MRAP: variants seen among roughly 807,000 people sequenced by gnomAD.
MRAP encodes melanocortin 2 receptor accessory protein.
A neutral mutation model predicts 8.7 loss-of-function variants in MRAP; 8 were observed. The observed-to-expected ratio is 0.92, with a 90% CI of 0.54 to 1.66. The LOEUF (loss-of-function observed/expected upper bound fraction) is 1.66. MRAP is among the 40% of genes most tolerant of loss of function. The pLI, the probability that MRAP is intolerant of heterozygous loss-of-function variation, is 0.00. For missense variants in MRAP, 237 were observed against 217.1 expected, an observed-to-expected ratio of 1.09 and a Z score of -0.58; for synonymous variants, 95 against 95.5, an observed-to-expected ratio of 1.00 and a Z score of 0.03.
Position 32,305,932 on chromosome 21 carries a change from G to T in MRAP, c.107-708G>T, listed in dbSNP as rs188543827. ...AGGTTCTACCCAGGGCCCCAGGGGG[G>T]CTAAGTGTGTTTCCTGGTTTCCCTT... On this transcript the variant is annotated intron_variant, in intron 1 of 2. Transcript: ENST00000303645. Among the ~76,000 whole-genome samples the T allele has an allele frequency of 6.5e-4, 99 of 152,310 alleles. 2 individuals are homozygous for T. In the Middle Eastern group the frequency reaches 0.017, roughly 26 times the overall value.
At chr21:32,298,787 A>G, upstream of MRAP, 1 of 583,974 alleles carries the variant, frequency 1.7e-6, no homozygotes, top group Non-Finnish European at 3.1e-6. Flanking sequence ...GTTGTGAGAC[A>G]CACCCCCCTG....
At chr21:32,307,267 G>C (rs941555776) in intron 2 of MRAP, among the ~76,000 whole-genome samples, 1 of 152,042 alleles carries the variant, frequency 6.6e-6, no homozygotes, top group Admixed American at 6.6e-5. Context: ...GTTTCTTTTG[G>C]GGATGATAAA....
chr21:32,296,584 T>C (rs1156565681), upstream of MRAP, among the ~76,000 whole-genome samples: 1 of 152,198 alleles, frequency 6.6e-6, no homozygotes, highest in Non-Finnish European at 1.5e-5. Context: ...GGGCACAGCC[T>C]ACCACACACC....
At chr21:32,302,915 A>G (rs973723650) in intron 1 of MRAP, among the ~76,000 whole-genome samples, 1 of 151,892 alleles carries the variant, frequency 6.6e-6, no homozygotes, top group Non-Finnish European at 1.5e-5. Context: ...CAAAGGTTCT[A>G]TCACGACGGA....
At chr21:32,306,924 G>A (rs1056742566) in intron 2 of MRAP, 185 bp downstream of exon 2, 5 of 662,376 alleles carry the variant, frequency 7.5e-6, no homozygotes, top group Admixed American at 4.2e-5. Flanking sequence ...ATATTCCAGC[G>A]AGCATTTCCT....
upstream of MRAP, among the ~76,000 whole-genome samples, chr21:32,296,757 A>T (rs2032146643): frequency 6.6e-6 from 1 of 152,188 alleles, no homozygotes. Context: ...GTACAGTAAA[A>T]ATACACTATA....
At chr21:32,309,542 C>T (rs1280817425) in intron 2 of MRAP, among the ~76,000 whole-genome samples, 1 of 151,448 alleles carries the variant, frequency 6.6e-6, no homozygotes, top group Admixed American at 6.6e-5. Flanking sequence ...ACCTCCACCT[C>T]CCAAGTTCAA....
At chr21:32,306,008 G>A (rs1330869398) in intron 1 of MRAP, among the ~76,000 whole-genome samples, 1 of 152,162 alleles carries the variant, frequency 6.6e-6, no homozygotes, top group Non-Finnish European at 1.5e-5. Context: ...GGTAGCAAAA[G>A]TGCTTTTTCC....
At chr21:32,292,955 TCCCCTAAGC>T (rs2032076462) in intron 1 of MRAP, 1 of 152,118 alleles carries the variant, frequency 6.6e-6, no homozygotes, top group South Asian at 2.1e-4. Context: ...TACATTCTAG[TCCCCTAAGC>T]CTGTGCATTT....
chr21:32,299,242 A>G (rs1601096188), intron 1 of MRAP, among the ~76,000 whole-genome samples, 165 bp downstream of exon 1: 1 of 152,246 alleles, frequency 6.6e-6, no homozygotes, highest in African/African-American at 2.4e-5. Flanking sequence ...TGGGGCTGGG[A>G]GAGAAACTGT....
At chr21:32,298,084 ACCTGTGGT>A (rs149377426), upstream of MRAP, among the ~76,000 whole-genome samples, 583 of 152,206 alleles carry the variant, frequency 3.8e-3, 3 homozygotes, top group African/African-American at 0.014. Flanking sequence ...GGTTCCTCTC[ACCTGTGGT>A]CCTGCTCATT....
rs184279945 is a variant in MRAP at position 32,306,042 on chromosome 21, A to C, written c.107-598A>C. Among the ~76,000 whole-genome samples the C allele has an allele frequency of 1.2e-4, 18 of 152,228 alleles. No homozygotes were observed. In the East Asian group the frequency reaches 3.5e-3, roughly 29 times the overall value. On this transcript the variant is annotated intron_variant, in intron 1 of 2. Coordinates refer to ENST00000303645, the MANE Select transcript of MRAP (RefSeq NM_001379228.1). Reference sequence around the variant, plus strand: ...CCTTCCTGCCACAGCCCCTGAGATGAGACTTCCTGCCTGAGAGAGGGACTC... The same window carrying C: ...CCTTCCTGCCACAGCCCCTGAGATGCGACTTCCTGCCTGAGAGAGGGACTC...
upstream of MRAP, among the ~76,000 whole-genome samples, chr21:32,295,784 T>C (rs897588718): frequency 1.3e-5 from 2 of 152,150 alleles, no homozygotes; most frequent in African/African-American, 4.8e-5. Flanking sequence ...GAGACCAGCC[T>C]GGCCAACATG....
rs114581278 is a variant in MRAP at position 32,299,175 on chromosome 21, C to T, written c.106+98C>T. ...TTTCTCTGCATTCACTTATTAACTC[C>T]GGTAGACATCATGGGAAAGCAGGAA... On this transcript the variant is annotated intron_variant, in intron 1 of 2. Coordinates refer to ENST00000303645, the MANE Select transcript of MRAP (RefSeq NM_001379228.1). 2.3e-3 allele frequency: 1,925 copies of T among 850,196 alleles called. 18 individuals carry two copies. The African/African-American group carries it at 0.028, about 12-fold the overall frequency. 52.7% of individuals were successfully genotyped at this position (850,196 alleles called of 1,614,324 possible).
chr21:32,309,892 G>A lies in MRAP; in HGVS notation c.207-1792G>A, dbSNP rs1477349605. On this transcript the variant is annotated intron_variant, in intron 2 of 2. Transcript: ENST00000303645. ...TGGGAGGCAGAGGTTGCAGTTAGCC[G>A]AGATGGCATCACTGAGGTCAGGAGC... Among the ~76,000 whole-genome samples the A allele has an allele frequency of 3.9e-5, 6 of 152,098 alleles. No homozygotes were observed. The East Asian group carries it at 5.9e-4, about 15-fold the overall frequency.
At chr21:32,297,710 TATGGA>T (rs1345572805), upstream of MRAP, among the ~76,000 whole-genome samples, 1 of 152,188 alleles carries the variant, frequency 6.6e-6, no homozygotes, top group Admixed American at 6.5e-5. Context: ...AATTGCTTGG[TATGGA>T]AAAGCCCACA....
rs911430138 is a variant in MRAP, at chr21:32,312,042, C to A, written c.*46C>A. ...AGCTGAGTGAACTGGTGAAATCAAG[C>A]CAACCTGGACACATACGTTCCTCGT... On this transcript the variant is annotated 3_prime_UTR_variant, in exon 3 of 3. Transcript: ENST00000303645. The A allele has an allele frequency of 6.2e-7, 1 of 1,611,094 alleles. No homozygotes were observed. Among genetic ancestry groups the A allele is most frequent in the African/African-American group, 1.3e-5 (1 of 74,928 alleles).
chr21:32,305,734 T>C (rs2032399805), intron 1 of MRAP, among the ~76,000 whole-genome samples: 1 of 152,146 alleles, frequency 6.6e-6, no homozygotes, highest in African/African-American at 2.4e-5. Context: ...ATCTTGGCAT[T>C]ACGCAGTTGG....
chr21:32,311,184 GACTT>G (rs2032557265), intron 2 of MRAP: 1 of 160,390 alleles, frequency 6.2e-6, no homozygotes, highest in Non-Finnish European at 1.4e-5. Flanking sequence ...GATCTCATGA[GACTT>G]ACTATCACGA....
Sources: allele counts gnomAD v4.1 joint callset (sites outside exome capture counted in the v4.1 genomes callset), GRCh38; gene constraint gnomAD v4.1.1; transcripts MANE v1.5; gene names NCBI Gene and HGNC (gene_info 2026-07-23, HGNC 2026-07-21).